The following USH2A variants were observed in gnomAD, a reference collection of about 807,000 sequenced individuals.
USH2A encodes usherin.
USH2A carries 443 observed loss-of-function variants against 538.9 expected under a neutral mutation model. The ratio of observed to expected loss-of-function variants is 0.82; its 90% confidence interval spans 0.76 to 0.89. The LOEUF (loss-of-function observed/expected upper bound fraction) is 0.89. USH2A is among the 40% of genes least tolerant of loss of function. The pLI, the probability that USH2A is intolerant of heterozygous loss-of-function variation, is 0.00. For missense variants in USH2A, 6,633 were observed against 6,324.8 expected (o/e 1.05, Z -1.65); for synonymous variants, 2,413 against 2,273.5 (o/e 1.06, Z -1.75).
chr1:216,406,856 A>C (rs2039405388), intron 3 of USH2A, among the ~76,000 whole-genome samples: 2 of 152,140 alleles, frequency 1.3e-5, no homozygotes, highest in Non-Finnish European at 2.9e-5. Context: ...ATTTTGGCCA[A>C]ATAACTGGAA....
intron 21 of USH2A, among the ~76,000 whole-genome samples, chr1:216,155,117 C>A (rs1422492281): frequency 6.6e-6 from 1 of 152,140 alleles, no homozygotes; most frequent in Non-Finnish European, 1.5e-5. Context: ...AACCTTCAAG[C>A]TGTCTTTGGC....
At chr1:215,712,820 A>AT (rs5780847) in intron 61 of USH2A, among the ~76,000 whole-genome samples, 24,770 of 150,238 alleles carry the variant, frequency 0.16, 2,224 homozygotes, top group East Asian at 0.31. Flanking sequence ...TCTTTCTTTT[A>AT]TTTTTTTTTG....
intron 14 of USH2A, among the ~76,000 whole-genome samples, chr1:216,223,250 T>A (rs1445401057): frequency 6.6e-6 from 1 of 152,166 alleles, no homozygotes; most frequent in Non-Finnish European, 1.5e-5. Context: ...CTGGATATCC[T>A]GATGTCCAGT....
At chr1:216,391,365 C>A (rs189381900) in intron 3 of USH2A, among the ~76,000 whole-genome samples, 1 of 152,118 alleles carries the variant, frequency 6.6e-6, no homozygotes, top group East Asian at 1.9e-4. Context: ...TGAAATTGGT[C>A]AGTCAGTCAT....
At chr1:215,675,965 G>A (rs189287137) in intron 62 of USH2A, among the ~76,000 whole-genome samples, 1 of 152,076 alleles carries the variant, frequency 6.6e-6, no homozygotes, top group Admixed American at 6.5e-5. Flanking sequence ...TAGTATTAAA[G>A]TCTCCTGTTT....
intron 58 of USH2A, among the ~76,000 whole-genome samples, chr1:215,744,457 G>A (rs768577310): frequency 6.6e-6 from 1 of 152,130 alleles, no homozygotes; most frequent in African/African-American, 2.4e-5. Flanking sequence ...GAATATAATG[G>A]CATTTTCTAT....
chr1:216,280,715 C>A (rs1010892985), intron 11 of USH2A, among the ~76,000 whole-genome samples: 2 of 139,902 alleles, frequency 1.4e-5, no homozygotes, highest in Admixed American at 7.3e-5. Context: ...TACAACATTT[C>A]TTATGGAAGA....
intron 27 of USH2A, among the ~76,000 whole-genome samples, chr1:216,077,042 C>T (rs2031776900): frequency 6.6e-6 from 1 of 152,066 alleles, no homozygotes; most frequent in Admixed American, 6.6e-5. Context: ...GCTTACTAGC[C>T]ATGTGACCTT....
At chr1:216,036,891 A>G (rs71639585) in intron 32 of USH2A, among the ~76,000 whole-genome samples, 1 of 152,170 alleles carries the variant, frequency 6.6e-6, no homozygotes, top group Admixed American at 6.6e-5. Flanking sequence ...TAAGAAAAAG[A>G]CAGTGACAAA....
At chr1:216,329,775 A>G (rs2037817416) in intron 4 of USH2A, among the ~76,000 whole-genome samples, 2 of 152,022 alleles carry the variant, frequency 1.3e-5, no homozygotes, top group African/African-American at 4.8e-5. Context: ...GTGCCCCGCT[A>G]TAGTCCTAGG....
At chr1:215,702,294 G>T (rs1385714075) in intron 61 of USH2A, among the ~76,000 whole-genome samples, 1 of 152,066 alleles carries the variant, frequency 6.6e-6, no homozygotes, top group Non-Finnish European at 1.5e-5. Context: ...ATGATTACGT[G>T]TCTTGGGGTT....
chr1:216,190,118 G>A, intron 20 of USH2A, 105 bp downstream of exon 20: 2 of 1,479,320 alleles, frequency 1.4e-6, no homozygotes, highest in Non-Finnish European at 1.8e-6. Context: ...GTTAGTGAGG[G>A]AGGAGAAGAC....
At chr1:215,698,743 G>A (rs11120609) in intron 61 of USH2A, among the ~76,000 whole-genome samples, 20,997 of 152,012 alleles carry the variant, frequency 0.14, 1,590 homozygotes, top group East Asian at 0.31. Context: ...AGATGGATAG[G>A]TTGCAAAAAT....
At chr1:215,738,281 T>C (rs1324020885) in intron 60 of USH2A, among the ~76,000 whole-genome samples, 1 of 152,106 alleles carries the variant, frequency 6.6e-6, no homozygotes, top group Non-Finnish European at 1.5e-5. Flanking sequence ...AAGACAGTCT[T>C]GTCTATACTC....
chr1:215,626,299 CTA>C (rs539897950), intron 71 of USH2A, among the ~76,000 whole-genome samples: 135 of 148,048 alleles, frequency 9.1e-4, no homozygotes, highest in South Asian at 7.2e-3. Flanking sequence ...TATATATACA[CTA>C]TATATATATA....
rs1005775371 is a variant in USH2A at position 216,067,324 on chromosome 1, G to T, written c.6049+2777C>A. Among the ~76,000 whole-genome samples the T allele has an allele frequency of 1.4e-4, 21 of 152,100 alleles. 1 individual carries two copies. Among genetic ancestry groups the T allele is most frequent in the East Asian group, 5.8e-4 (3 of 5,166 alleles). The stretch of plus-strand genomic sequence containing the variant: ...GAGAAATACCTAATGTAGATGCCGG[G>T]TTGATGGGGGCAGCAAGCCACCCTG... On this transcript the variant is annotated intron_variant, in intron 30 of 71. Transcript: ENST00000307340.
intron 21 of USH2A, among the ~76,000 whole-genome samples, chr1:216,157,521 TTCATTGCTACAC>T (rs2033972246): frequency 1.3e-5 from 2 of 152,178 alleles, no homozygotes; most frequent in South Asian, 4.1e-4. Context: ...CACTCATATG[TTCATTGCTACAC>T]TAATCACAAT....
chr1:216,082,474 A>AAG (rs1423196146), intron 26 of USH2A, among the ~76,000 whole-genome samples: 1 of 151,892 alleles, frequency 6.6e-6, no homozygotes, highest in Non-Finnish European at 1.5e-5. Context: ...AAAAAAAAAA[A>AAG]AAAAAGATGA....
At chr1:215,942,059 G>A (rs1237884277) in intron 37 of USH2A, among the ~76,000 whole-genome samples, 3 of 152,096 alleles carry the variant, frequency 2.0e-5, no homozygotes, top group African/African-American at 7.2e-5. Flanking sequence ...CAAGGTGTTG[G>A]CCAGGACTGA....
Sources: allele counts gnomAD v4.1 joint callset (sites outside exome capture counted in the v4.1 genomes callset), GRCh38; gene constraint gnomAD v4.1.1; transcripts MANE v1.5; gene names NCBI Gene and HGNC (gene_info 2026-07-23, HGNC 2026-07-21).